Variants in FMN1 observed in about 807,000 individuals in gnomAD.
FMN1 encodes the protein formin-1.
FMN1 carries 110 observed loss-of-function variants against 132.4 expected under a neutral mutation model. The ratio of observed to expected loss-of-function variants is 0.83; its 90% CI spans 0.71 to 0.97. The LOEUF (loss-of-function observed/expected upper bound fraction) is 0.97. Among genes scored for constraint, FMN1 ranks in the 50% least tolerant of loss-of-function variants. The pLI, the probability that FMN1 is intolerant of heterozygous loss-of-function variation, is 0.00. For missense variants in FMN1, 1,792 were observed against 1,705.3 expected (o/e 1.05, Z -0.90); for synonymous variants, 722 against 651.7 (o/e 1.11, Z -1.64).
At chr15:33,096,639 A>G (rs2039095785) in intron 4 of FMN1, among the ~76,000 whole-genome samples, 1 of 151,212 alleles carries the variant, frequency 6.6e-6, no homozygotes, top group African/African-American at 2.4e-5. Context: ...TCACTATATC[A>G]TCTAGGCTGG....
intron 6 of FMN1, among the ~76,000 whole-genome samples, chr15:33,038,630 T>C (rs1362267625): frequency 6.6e-6 from 1 of 152,140 alleles, no homozygotes; most frequent in African/African-American, 2.4e-5. Context: ...ATTTAATAAT[T>C]AGTCAACATA....
At chr15:33,076,724 T>C (rs1266083036) in intron 5 of FMN1, among the ~76,000 whole-genome samples, 1 of 152,196 alleles carries the variant, frequency 6.6e-6, no homozygotes, top group Non-Finnish European at 1.5e-5. Flanking sequence ...ACTGGATCCA[T>C]CTGATTCTAA....
chr15:32,921,303 T>C (rs936256051), intron 10 of FMN1, among the ~76,000 whole-genome samples: 88 of 152,270 alleles, frequency 5.8e-4, no homozygotes, highest in African/African-American at 2.0e-3. Flanking sequence ...GTGTTGTGCA[T>C]GCAATGACAA....
At chr15:32,837,345 G>A in intron 17 of FMN1, 1 of 163,356 alleles carries the variant, frequency 6.1e-6, no homozygotes, top group Non-Finnish European at 1.4e-5. Context: ...GATCTGGGTG[G>A]TGGTGGCGAC....
chr15:32,929,732 G>A (rs2061056650), intron 9 of FMN1, among the ~76,000 whole-genome samples: 1 of 150,406 alleles, frequency 6.6e-6, no homozygotes, highest in Non-Finnish European at 1.5e-5. Context: ...ATGTCCTCAG[G>A]CCAATCCATG....
chr15:32,825,495 G>A (rs1240775550), intron 17 of FMN1, among the ~76,000 whole-genome samples: 4 of 152,104 alleles, frequency 2.6e-5, no homozygotes, highest in African/African-American at 9.7e-5. Flanking sequence ...AGACTTAAAT[G>A]TCATCACTGT....
At chr15:33,066,877 C>G (rs1406617760) in intron 5 of FMN1, 2 of 1,613,816 alleles carry the variant, frequency 1.2e-6, no homozygotes, top group African/African-American at 2.7e-5. Flanking sequence ...TGGGAGTGGC[C>G]TTCGGATCAG....
At position 32,934,927 on chromosome 15, in the gene FMN1, CTTTTT is replaced by C. The variant is rs71309472; in HGVS notation, c.3139-8671_3139-8667del. 5.8e-3 allele frequency among the ~76,000 whole-genome samples: 815 copies of C among 141,428 alleles called. 8 individuals carry two copies. The highest frequency in any genetic ancestry group is 0.02 in the African/African-American group (789 of 38,718). 92.8% of individuals were successfully genotyped at this position (141,428 alleles called of 152,430 possible). ...TGGCCAAAAGACAATTTTTCTTTTT[CTTTTT>C]TTTTTTTTGAGACACAGTCTTGCTC... On this transcript the variant is annotated intron_variant, in intron 9 of 20. Transcript: ENST00000616417.
At chr15:33,065,953 G>T (rs1385782764) in intron 5 of FMN1, among the ~76,000 whole-genome samples, 2 of 152,144 alleles carry the variant, frequency 1.3e-5, no homozygotes, top group Admixed American at 1.3e-4. Context: ...TGAGGAGATT[G>T]AGGCTTGGAG....
chr15:33,017,958 G>T (rs572397421), intron 6 of FMN1, among the ~76,000 whole-genome samples: 1 of 152,136 alleles, frequency 6.6e-6, no homozygotes, highest in East Asian at 1.9e-4. Flanking sequence ...CCAGCTACTC[G>T]GGGGGCAGAG....
intron 17 of FMN1, among the ~76,000 whole-genome samples, chr15:32,812,760 T>C (rs2057926508): frequency 2.0e-5 from 3 of 152,252 alleles, no homozygotes; most frequent in African/African-American, 4.8e-5. Context: ...ATTCGTAAAA[T>C]ATCTTATTGG....
intron 10 of FMN1, among the ~76,000 whole-genome samples, chr15:32,921,275 G>GC (rs1259152146): frequency 6.6e-6 from 1 of 152,162 alleles, no homozygotes; most frequent in Non-Finnish European, 1.5e-5. Context: ...GGAGCGTGCA[G>GC]AACTGTTCAT....
At chr15:32,874,383 G>C (rs1024868469) in intron 16 of FMN1, among the ~76,000 whole-genome samples, 10 of 152,018 alleles carry the variant, frequency 6.6e-5, no homozygotes, top group Admixed American at 3.3e-4. Context: ...GGATTTGGTG[G>C]AGTTAGGAAA....
At chr15:32,922,314 TAA>T (rs1567398021) in intron 10 of FMN1, among the ~76,000 whole-genome samples, 1 of 152,218 alleles carries the variant, frequency 6.6e-6, no homozygotes, top group African/African-American at 2.4e-5. Flanking sequence ...AGTTTAAGAT[TAA>T]GTCTGTATTT....
intron 15 of FMN1, among the ~76,000 whole-genome samples, chr15:32,894,421 T>G (rs1247489316): frequency 2.0e-5 from 3 of 151,032 alleles, no homozygotes; most frequent in African/African-American, 7.3e-5. Context: ...GTGGCGGAGG[T>G]TGCAGTGAGC....
chr15:33,048,969 A>T (rs1223011188), intron 6 of FMN1, among the ~76,000 whole-genome samples: 1 of 152,256 alleles, frequency 6.6e-6, no homozygotes, highest in Non-Finnish European at 1.5e-5. Flanking sequence ...GTAAAAGATT[A>T]AAAGAAGTCA....
At chr15:33,124,795 T>C (rs994287256) in intron 4 of FMN1, among the ~76,000 whole-genome samples, 2 of 152,012 alleles carry the variant, frequency 1.3e-5, no homozygotes, top group Admixed American at 6.6e-5. Flanking sequence ...GTTTTCTTTT[T>C]TGCATGGGAT....
At chr15:32,870,661 G>A (rs74603169) in intron 16 of FMN1, among the ~76,000 whole-genome samples, 357 of 152,312 alleles carry the variant, frequency 2.3e-3, no homozygotes, top group African/African-American at 8.2e-3. Context: ...GGTTACGGAC[G>A]CAGCCTCGGT....
intron 9 of FMN1, among the ~76,000 whole-genome samples, chr15:32,934,163 TAC>T: frequency 6.6e-6 from 1 of 151,336 alleles, no homozygotes; most frequent in Non-Finnish European, 1.5e-5. Flanking sequence ...CTATGAGACT[TAC>T]ATAAAACATT....
Sources: gnomAD v4.1 joint callset for allele counts (sites outside exome capture counted in the v4.1 genomes callset) on GRCh38, gnomAD v4.1.1 for gene constraint, MANE v1.5 for transcripts, NCBI Gene and HGNC (gene_info 2026-07-23, HGNC 2026-07-21) for gene names.